Variants in USP24 observed in about 807,000 individuals in gnomAD.
USP24 encodes the protein ubiquitin carboxyl-terminal hydrolase 24.
Under a neutral mutation model 361.6 loss-of-function variants are expected in USP24, and 97 were observed. The ratio of observed to expected loss-of-function variants is 0.27; its 90% confidence interval spans 0.23 to 0.32. The LOEUF is 0.32. Among genes scored for constraint, USP24 ranks in the 10% least tolerant of loss-of-function variants. The pLI is 1.00. For missense variants in USP24, 2,353 were observed against 3,165.6 expected, an observed-to-expected ratio of 0.74 and a Z score of 6.16; for synonymous variants, 1,098 against 1,124.6, an observed-to-expected ratio of 0.98 and a Z score of 0.47.
chr1:55,146,117 A>G lies in USP24; in HGVS notation c.2251-8T>C. ...AAACCATTCAAAACACATCTGTGGA[A>G]TAAGACGAATATCACCCTATAACTA... is the stretch of plus-strand genomic sequence containing the variant. On this transcript the variant is annotated splice_region_variant and splice_polypyrimidine_tract_variant and intron_variant, in intron 19 of 67. Transcript: ENST00000294383. 3 of 1,594,322 alleles carry G rather than the reference A, an allele frequency of 1.9e-6. No individual in the cohort carries two copies. The highest frequency in any genetic ancestry group is 1.7e-5 in the Admixed American group (1 of 59,812).
At chr1:55,113,754 C>T (rs184367968) in intron 38 of USP24, among the ~76,000 whole-genome samples, 93 of 152,144 alleles carry the variant, frequency 6.1e-4, no homozygotes, top group Admixed American at 1.2e-3. Flanking sequence ...ATTGATGGAA[C>T]GTATCTCAAA....
chr1:55,089,495 GAAGAGAGTTTAA>G, intron 55 of USP24, 120 bp downstream of exon 55: 2 of 653,950 alleles, frequency 3.1e-6, no homozygotes, highest in Non-Finnish European at 5.2e-6. Flanking sequence ...CTGTTTCAGT[GAAGAGAGTTTAA>G]AATAGACTTT....
At chr1:55,093,002 AG>A in intron 52 of USP24, 86 bp from the exon 53 acceptor site, 1 of 836,228 alleles carries the variant, frequency 1.2e-6, no homozygotes, top group South Asian at 2.2e-5. Context: ...GTAAAAATAT[AG>A]GTAAAAAGCA....
In USP24 at chr1:55,158,086, A is replaced by G. The variant is rs142728585; in HGVS notation, c.1228-716T>C. Among the ~76,000 whole-genome samples the G allele has an allele frequency of 2.0e-4, 30 of 152,332 alleles. No individual in the cohort carries two copies. The East Asian group carries it at 5.2e-3, about 26-fold the overall frequency. ...TATTCATTGTCTTGATCTCTACCGT[A>G]TGAAAAATGCCAAATGCAGGTAGAG... On this transcript the variant is annotated intron_variant, in intron 10 of 67. Transcript: ENST00000294383.
Position 55,078,539 on chromosome 1 carries a change from T to G in USP24, c.7313A>C (p.Lys2438Thr). ...TCACTCGTTTAACTGAGGTCTTACC[T>G]TAATGAAATGCAGCATTGTGAAGGA... ...HFSFTMLHFI[K>T]NQLETAPPHE... is the part of the protein sequence containing the mutation. The change falls in exon 61 of 68, where the codon AAG (lysine) becomes ACG (threonine). Residue 2438 changes from lysine (K) to threonine (T), a missense_variant and splice_region_variant. Around this residue, in one of 8 missense-constraint regions of USP24, gnomAD observed 598 missense variants for 761.9 expected, o/e 0.78. Coordinates refer to ENST00000294383, the MANE Select transcript of USP24 (RefSeq NM_015306.3). 6.2e-7 allele frequency: 1 copy of G among 1,608,930 alleles called. No individual in the cohort carries two copies. Among genetic ancestry groups the G allele is most frequent in the Non-Finnish European group, 8.5e-7 (1 of 1,177,806 alleles).
rs749996371 is a variant in USP24, at chr1:55,134,086, T to C, written c.3365A>G (p.Asp1122Gly). 1 of 1,613,712 alleles carries C rather than the reference T, an allele frequency of 6.2e-7. No homozygotes were observed. The highest frequency in any genetic ancestry group is 1.1e-5 in the South Asian group (1 of 91,044). The change falls in exon 30 of 68, where the codon GAT (aspartate) becomes GGT (glycine). Residue 1122 changes from aspartate (D) to glycine (G), a missense_variant. By Grantham distance (94) the Asp-to-Gly change is moderately conservative. Around this residue, in one of 8 missense-constraint regions of USP24, gnomAD observed 949 missense variants for 1,280.5 expected, o/e 0.74. Coordinates refer to ENST00000294383, the MANE Select transcript of USP24 (RefSeq NM_015306.3). ...TACTCATACCTTTCTTCCTAAAGAA[T>C]CAAGTTGATCAAGGGCTTCCTGAAT... ...PAIQEALDQL[D>G]SLGRKKTLLS...
intron 34 of USP24, 141 bp downstream of exon 34, chr1:55,125,179 C>T (rs1003676642): frequency 2.1e-5 from 15 of 716,974 alleles, no homozygotes; most frequent in Admixed American, 5.6e-5. Flanking sequence ...TCTACCCTAG[C>T]GATCTCTTTT....
At chr1:55,190,495 C>T (rs867611719) in intron 1 of USP24, among the ~76,000 whole-genome samples, 6 of 152,154 alleles carry the variant, frequency 3.9e-5, no homozygotes, top group Admixed American at 3.9e-4. Flanking sequence ...AGCTCAGTAT[C>T]GTTCTATTGC....
chr1:55,157,172 G>A, intron 11 of USP24, 84 bp downstream of exon 11: 1 of 1,358,002 alleles, frequency 7.4e-7, no homozygotes, highest in East Asian at 2.4e-5. Context: ...TACAGTCAAA[G>A]CAACAATTTT....
intron 58 of USP24, 111 bp downstream of exon 58, chr1:55,083,161 T>C: frequency 1.0e-6 from 1 of 994,166 alleles, no homozygotes; most frequent in Non-Finnish European, 1.5e-6. Context: ...GTCTCTATGG[T>C]ACTACTACTT....
chr1:55,126,873 C>T (rs1434912134), intron 32 of USP24, among the ~76,000 whole-genome samples: 1 of 152,184 alleles, frequency 6.6e-6, no homozygotes, highest in Non-Finnish European at 1.5e-5. Context: ...ATGCCTACCT[C>T]ACCCAGAGGA....
At chr1:55,158,567 A>C (rs767745296) in intron 10 of USP24, among the ~76,000 whole-genome samples, 6 of 152,230 alleles carry the variant, frequency 3.9e-5, no homozygotes, top group Non-Finnish European at 8.8e-5. Flanking sequence ...CTTACACCTG[A>C]AATAAAACAA....
At chr1:55,199,696 T>C (rs1644518539) in intron 1 of USP24, among the ~76,000 whole-genome samples, 1 of 151,472 alleles carries the variant, frequency 6.6e-6, no homozygotes, top group South Asian at 2.1e-4. Context: ...TGAATCAAGG[T>C]GAAGGGTATA....
intron 67 of USP24, chr1:55,071,442 C>G: frequency 9.8e-7 from 1 of 1,015,584 alleles, no homozygotes; most frequent in South Asian, 4.4e-5. Context: ...TTTCAAGAGT[C>G]CACATTTCCA....
intron 16 of USP24, among the ~76,000 whole-genome samples, chr1:55,150,196 T>C (rs902906475): frequency 7.2e-5 from 11 of 152,192 alleles, no homozygotes; most frequent in Admixed American, 6.6e-5. Flanking sequence ...ATCATAAAGA[T>C]TTCAGAGAGG....
intron 41 of USP24, among the ~76,000 whole-genome samples, chr1:55,104,252 A>T (rs1645714817): frequency 6.6e-6 from 1 of 152,188 alleles, no homozygotes; most frequent in Non-Finnish European, 1.5e-5. Context: ...TTATGATCAG[A>T]ATAGTCTCAT....
Position 55,134,133 on chromosome 1 carries a change from G to C in USP24, c.3318C>G (p.Leu1106=), listed in dbSNP as rs1190891787. Residue 1106 remains leucine (L), a synonymous_variant, in exon 30 of 68, where the codon CTC becomes CTG. Transcript: ENST00000294383. ...RITLRVRKLL[L]LIPTDPAIQE... Reference sequence around the variant, plus strand: ...GAATGGCTGGATCAGTGGGTATCAAGAGCAGAAGCTTCCGTACTCGTAGAG... The same window carrying C: ...GAATGGCTGGATCAGTGGGTATCAACAGCAGAAGCTTCCGTACTCGTAGAG... The C allele has an allele frequency of 6.2e-7, 1 of 1,613,638 alleles. No individual in the cohort carries two copies. The highest frequency in any genetic ancestry group is 1.1e-5 in the South Asian group (1 of 91,066).
rs779938864 is a variant in USP24, at chr1:55,154,706, C to T, written c.1519G>A (p.Asp507Asn). 10 of 1,613,378 alleles carry T rather than the reference C, an allele frequency of 6.2e-6. No homozygotes were observed. The highest frequency in any genetic ancestry group is 8.5e-6 in the Non-Finnish European group (10 of 1,179,618). Residue 507 changes from aspartate to asparagine, a missense_variant, in exon 13 of 68, where the codon GAT (aspartate) becomes AAT (asparagine). This residue lies in a region of USP24 where 386 missense variants were observed against 560.5 expected (regional missense o/e 0.69). Coordinates refer to ENST00000294383, the MANE Select transcript of USP24 (RefSeq NM_015306.3). ...IAAAAVKFNS[D>N]QLNHLFVLIQ... is the part of the protein sequence containing the mutation. ...AGAACAAACAAATGATTAAGCTGAT[C>T]TGAATTAAATTTCACAGCCGCTGCA... is the stretch of plus-strand genomic sequence containing the variant.
intron 1 of USP24, among the ~76,000 whole-genome samples, chr1:55,202,699 C>T (rs998941188): frequency 1.3e-5 from 2 of 152,212 alleles, no homozygotes; most frequent in Non-Finnish European, 2.9e-5. Context: ...GCCACCACAT[C>T]CGGCCTGTAT....
Sources: gnomAD v4.1 joint callset for allele counts (sites outside exome capture counted in the v4.1 genomes callset) on GRCh38, gnomAD v4.1.1 for gene constraint, gnomAD v4.1.1 regional missense constraint, MANE v1.5 for transcripts, NCBI Gene and HGNC (gene_info 2026-07-23, HGNC 2026-07-21) for gene names.